IQGAP1: variants seen among roughly 807,000 people sequenced by gnomAD.
IQGAP1 encodes the protein IQ motif containing GTPase activating protein 1, also known as ras GTPase-activating-like protein IQGAP1.
A neutral mutation model predicts 215.6 loss-of-function variants in IQGAP1; 66 were observed. The ratio of observed to expected loss-of-function variants is 0.31; its 90% CI spans 0.25 to 0.38. IQGAP1 has a LOEUF of 0.38. IQGAP1 is among the 10% of genes least tolerant of loss of function. The pLI, the probability that IQGAP1 is intolerant of heterozygous loss-of-function variation, is 1.00. For missense variants in IQGAP1, 1,712 were observed against 1,997.1 expected (o/e 0.86, Z 2.72); for synonymous variants, 772 against 728.7 (o/e 1.06, Z -0.96).
intron 15 of IQGAP1, among the ~76,000 whole-genome samples, chr15:90,463,513 G>A (rs1196887633): frequency 6.6e-6 from 1 of 152,196 alleles, no homozygotes; most frequent in Non-Finnish European, 1.5e-5. Flanking sequence ...GCCTGCAGCT[G>A]ACTCATTGTA....
chr15:90,434,069 A>C (rs2151016795), intron 5 of IQGAP1, among the ~76,000 whole-genome samples: 1 of 152,256 alleles, frequency 6.6e-6, no homozygotes, highest in Middle Eastern at 3.4e-3. Context: ...TGAACTATGC[A>C]TTCACTTGGG....
chr15:90,395,443 C>T (rs1257723798), intron 2 of IQGAP1, among the ~76,000 whole-genome samples: 8 of 152,098 alleles, frequency 5.3e-5, no homozygotes, highest in Admixed American at 5.2e-4. Context: ...GGCTCAGCCT[C>T]CCGAGTAGCT....
chr15:90,421,434 C>G (rs1003170170), intron 2 of IQGAP1, among the ~76,000 whole-genome samples: 1 of 151,418 alleles, frequency 6.6e-6, no homozygotes, highest in Non-Finnish European at 1.5e-5. Flanking sequence ...TGACATCATG[C>G]CACTGCACTT....
At chr15:90,406,727 A>G (rs1465973809) in intron 2 of IQGAP1, among the ~76,000 whole-genome samples, 1 of 152,206 alleles carries the variant, frequency 6.6e-6, no homozygotes, top group Non-Finnish European at 1.5e-5. Flanking sequence ...CTAGAGAGAT[A>G]GTTAATATAT....
At chr15:90,410,808 T>C (rs28679676) in intron 2 of IQGAP1, among the ~76,000 whole-genome samples, 53,662 of 148,566 alleles carry the variant, frequency 0.36, 10,244 homozygotes, top group East Asian at 0.67. Context: ...CAAACCTGCA[T>C]GTTGTGCACA....
At chr15:90,428,209 A>T (rs1965253013) in intron 3 of IQGAP1, among the ~76,000 whole-genome samples, 1 of 151,994 alleles carries the variant, frequency 6.6e-6, no homozygotes, top group South Asian at 2.1e-4. Flanking sequence ...AGTAGTTGGG[A>T]CTATGGGAGC....
At chr15:90,389,807 A>ATT (rs1193616510) in intron 1 of IQGAP1, among the ~76,000 whole-genome samples, 1 of 150,832 alleles carries the variant, frequency 6.6e-6, no homozygotes, top group Non-Finnish European at 1.5e-5. Context: ...AAAAAAAAAA[A>ATT]TTAGCCAGGC....
At chr15:90,418,442 G>A (rs1019853592) in intron 2 of IQGAP1, among the ~76,000 whole-genome samples, 17 of 151,892 alleles carry the variant, frequency 1.1e-4, no homozygotes, top group African/African-American at 2.2e-4. Flanking sequence ...TTAAAAATTA[G>A]CCTCGTGTGG....
At chr15:90,494,492 ATAATT>A in intron 35 of IQGAP1, 1 of 308,030 alleles carries the variant, frequency 3.2e-6, no homozygotes, top group Non-Finnish European at 6.1e-6. Context: ...GTTCTCAAAT[ATAATT>A]TAAACTAAAA....
rs954128078 is a variant in IQGAP1 at position 90,440,728 on chromosome 15, C to T, written c.649+113C>T. ...TGAATCTTGCCAGCAAGTTTAAGTC[C>T]ACAGATGTAGTTGTAAACACATAGT... On this transcript the variant is annotated intron_variant, in intron 7 of 37. Transcript: ENST00000268182. 6 of 669,894 alleles carry T rather than the reference C, an allele frequency of 9.0e-6. No individual in the cohort carries two copies. The African/African-American group carries it at 1.1e-4, about 12-fold the overall frequency. The allele number at this position is 669,894 out of a possible 1,614,324, so 41.5% of individuals were successfully genotyped here. A position where few individuals can be genotyped will look rare whatever the true frequency, so the allele number is the denominator to read the frequency against.
In IQGAP1 at chr15:90,480,181, G is replaced by A. The variant is rs563526291; in HGVS notation, c.3330-1779G>A. ...AGACAGGAAGATCGCTTGAGCCCAG[G>A]AGTTTGAGCACTGCCTGGGCAATGT... On this transcript the variant is annotated intron_variant, in intron 26 of 37. Coordinates refer to ENST00000268182, the MANE Select transcript of IQGAP1 (RefSeq NM_003870.4). Among the ~76,000 whole-genome samples the A allele has an allele frequency of 4.7e-5, 7 of 149,236 alleles. No individual in the cohort carries two copies. The South Asian group carries it at 1.5e-3, about 32-fold the overall frequency.
chr15:90,409,055 T>A (rs1340188892), intron 2 of IQGAP1, among the ~76,000 whole-genome samples: 1 of 152,088 alleles, frequency 6.6e-6, no homozygotes, highest in South Asian at 2.1e-4. Context: ...TATCCCTTCT[T>A]GTCTTCTAGG....
chr15:90,410,860 A>C (rs1964953711), intron 2 of IQGAP1, among the ~76,000 whole-genome samples: 1 of 149,704 alleles, frequency 6.7e-6, no homozygotes, highest in Non-Finnish European at 1.5e-5. Flanking sequence ...AAAAAAAAAG[A>C]AAAAACATTC....
At chr15:90,396,536 C>G (rs1964722454) in intron 2 of IQGAP1, among the ~76,000 whole-genome samples, 2 of 152,078 alleles carry the variant, frequency 1.3e-5, no homozygotes, top group African/African-American at 2.4e-5. Flanking sequence ...CACGGTGGCA[C>G]TAGGAGCTGA....
intron 5 of IQGAP1, among the ~76,000 whole-genome samples, chr15:90,437,336 C>T (rs1444915334): frequency 6.6e-6 from 1 of 152,200 alleles, no homozygotes; most frequent in Non-Finnish European, 1.5e-5. Flanking sequence ...GACAGGGACA[C>T]AGACCCAAAC....
chr15:90,497,065 T>G (rs1966283486), intron 36 of IQGAP1, 167 bp from the exon 37 acceptor site: 7 of 549,458 alleles, frequency 1.3e-5, no homozygotes, highest in Non-Finnish European at 2.3e-5. Flanking sequence ...CAGATGGTAC[T>G]TGGGCTTGGC....
At position 90,451,183 on chromosome 15, in the gene IQGAP1, G is replaced by A. The variant is rs534390165; in HGVS notation, c.1162+1540G>A. On this transcript the variant is annotated intron_variant, in intron 11 of 37. Transcript: ENST00000268182. ...GATCTAGCTTTATTCTTCTGCATAT[G>A]GTTATCCAGTTTTCTCAACACCATT... 5.8e-4 allele frequency among the ~76,000 whole-genome samples: 88 copies of A among 152,190 alleles called. No homozygotes were observed. The South Asian group carries it at 0.012, about 22-fold the overall frequency.
At chr15:90,456,910 A>C (rs60637892) in intron 15 of IQGAP1, among the ~76,000 whole-genome samples, 1 of 113,194 alleles carries the variant, frequency 8.8e-6, no homozygotes, top group Non-Finnish European at 2.0e-5. Context: ...ATATATATAT[A>C]TGTGTGTGTG....
chr15:90,474,455 C>T, intron 22 of IQGAP1, 30 bp from the exon 23 acceptor site: 2 of 1,537,382 alleles, frequency 1.3e-6, no homozygotes, highest in Non-Finnish European at 1.8e-6. Context: ...TTTCTGCTAA[C>T]TCCATTCTTT....
Sources: gnomAD v4.1 joint callset for allele counts (sites outside exome capture counted in the v4.1 genomes callset) on GRCh38, gnomAD v4.1.1 for gene constraint, MANE v1.5 for transcripts, NCBI Gene and HGNC (gene_info 2026-07-23, HGNC 2026-07-21) for gene names.